The following COL5A2 variants were observed in gnomAD, a reference collection of about 807,000 sequenced individuals.
The protein encoded by COL5A2 is collagen alpha-2(V) chain.
COL5A2 carries 23 observed loss-of-function variants against 208.2 expected under a neutral mutation model. The observed-to-expected ratio is 0.11, with a 90% CI of 0.08 to 0.16. COL5A2 has a LOEUF of 0.16. Among genes scored for constraint, COL5A2 ranks in the 10% least tolerant of loss-of-function variants. The pLI is 1.00. For missense variants in COL5A2, 1,590 were observed against 1,956.4 expected (o/e 0.81, Z 3.53); for synonymous variants, 625 against 628.5 (o/e 0.99, Z 0.08).
chr2:189,140,247 C>T lies in COL5A2; in HGVS notation c.98-29798G>A, dbSNP rs141964482. 6.4e-3 allele frequency among the ~76,000 whole-genome samples: 968 copies of T among 152,084 alleles called. 15 individuals carry two copies. Among genetic ancestry groups the T allele is most frequent in the African/African-American group, 0.02 (848 of 41,488 alleles). On this transcript the variant is annotated intron_variant, in intron 1 of 53. Transcript: ENST00000374866. ...CTTTAACATATGTACATACATGATA[C>T]GATACCATATAGGGCAGAAAATAAA...
chr2:189,068,899 AG>A lies in COL5A2; in HGVS notation c.1159-16del. 2 of 1,550,082 alleles carry A rather than the reference AG, an allele frequency of 1.3e-6. No homozygotes were observed. Among genetic ancestry groups the A allele is most frequent in the Non-Finnish European group, 1.8e-6 (2 of 1,122,428 alleles). On this transcript the variant is annotated splice_polypyrimidine_tract_variant and intron_variant, in intron 18 of 53. Transcript: ENST00000374866. Reference sequence around the variant, plus strand: ...CCTGCTTCTCCCTAAAAGGGTGCAAAGGGAAATGTTAATTTAAGAAAAATAC... The same window carrying A: ...CCTGCTTCTCCCTAAAAGGGTGCAAAGGAAATGTTAATTTAAGAAAAATAC...
chr2:189,222,025 C>CA (rs565329432), intron 1 of COL5A2, among the ~76,000 whole-genome samples: 211 of 144,876 alleles, frequency 1.5e-3, no homozygotes, highest in Middle Eastern at 3.6e-3. Context: ...CCTGAGGCCT[C>CA]AAAAAAAAAA....
At chr2:189,326,724 G>T in the COL5A2 span, among the ~76,000 whole-genome samples, 1 of 149,646 alleles carries the variant, frequency 6.7e-6, no homozygotes, top group African/African-American at 2.5e-5. Context: ...GGTGGGGAGT[G>T]GGGGGAGTTC....
intron 16 of COL5A2, among the ~76,000 whole-genome samples, chr2:189,076,689 A>C (rs562236548): frequency 2.0e-4 from 31 of 152,292 alleles, no homozygotes; most frequent in African/African-American, 7.2e-4. Context: ...GGATGGCTGA[A>C]TTCTCAAACC....
chr2:189,361,025 T>G, the COL5A2 span, among the ~76,000 whole-genome samples: 1 of 152,016 alleles, frequency 6.6e-6, no homozygotes, highest in Non-Finnish European at 1.5e-5. Flanking sequence ...CCGTGTGGTC[T>G]GTCTATCCTA....
rs114419631 is a variant in COL5A2, at chr2:189,125,360, G to T, written c.98-14911C>A. On this transcript the variant is annotated intron_variant, in intron 1 of 53. Coordinates refer to ENST00000374866, the MANE Select transcript of COL5A2 (RefSeq NM_000393.5). ...TTCCCTGGGAATTAGGAATTCTAAG[G>T]CATAGACAAAATTATTCTGCATATC... is the stretch of plus-strand genomic sequence containing the variant. Among the ~76,000 whole-genome samples, 264 of 152,160 alleles carry T rather than the reference G, an allele frequency of 1.7e-3. 3 individuals are homozygous for T. The highest frequency in any genetic ancestry group is 6.3e-3 in the African/African-American group (260 of 41,538).
the COL5A2 span, among the ~76,000 whole-genome samples, chr2:189,349,052 T>TC: frequency 3.3e-5 from 5 of 152,114 alleles, no homozygotes; most frequent in African/African-American, 1.2e-4. Flanking sequence ...TAACATAATC[T>TC]CCCAACATTC....
At chr2:189,165,858 G>A (rs1430823880) in intron 1 of COL5A2, among the ~76,000 whole-genome samples, 3 of 152,192 alleles carry the variant, frequency 2.0e-5, no homozygotes, top group Non-Finnish European at 4.4e-5. Flanking sequence ...TCATTGCTGA[G>A]TCAGTGTCCT....
At chr2:189,183,917 C>A (rs2105837406), upstream of COL5A2, among the ~76,000 whole-genome samples, 1 of 152,240 alleles carries the variant, frequency 6.6e-6, no homozygotes, top group Admixed American at 6.5e-5. Flanking sequence ...AGGCTCTGAC[C>A]TTTGCCTGAA....
At chr2:189,398,314 C>T in the COL5A2 span, among the ~76,000 whole-genome samples, 1 of 152,090 alleles carries the variant, frequency 6.6e-6, no homozygotes, top group African/African-American at 2.4e-5. Context: ...TTTGCTATTG[C>T]TCAAATCTTC....
At chr2:189,245,546 G>A in the COL5A2 span, among the ~76,000 whole-genome samples, 10 of 149,318 alleles carry the variant, frequency 6.7e-5, no homozygotes, top group East Asian at 2.0e-4. Context: ...GTGCAGTGGC[G>A]CGATCTCGGC....
the COL5A2 span, among the ~76,000 whole-genome samples, chr2:189,298,110 T>C: frequency 6.6e-6 from 1 of 152,148 alleles, no homozygotes; most frequent in Non-Finnish European, 1.5e-5. Context: ...TATGTATGTA[T>C]TATTATCTCC....
intron 1 of COL5A2, among the ~76,000 whole-genome samples, chr2:189,174,245 T>A (rs1021072219): frequency 5.3e-5 from 8 of 152,090 alleles, no homozygotes; most frequent in African/African-American, 1.9e-4. Flanking sequence ...GCTCAAAGTG[T>A]GAAGAGCAGA....
At chr2:189,243,746 T>C in the COL5A2 span, among the ~76,000 whole-genome samples, 1 of 152,058 alleles carries the variant, frequency 6.6e-6, no homozygotes, top group Admixed American at 6.6e-5. Flanking sequence ...AAGTCCACAG[T>C]CGAAAGTCTT....
chr2:189,147,872 G>A (rs1448421359), intron 1 of COL5A2, among the ~76,000 whole-genome samples: 1 of 152,114 alleles, frequency 6.6e-6, no homozygotes, highest in Admixed American at 6.5e-5. Flanking sequence ...AGGAAGAGAA[G>A]CTTTATCTCC....
At chr2:189,145,895 C>T (rs1052588976) in intron 1 of COL5A2, among the ~76,000 whole-genome samples, 3 of 152,068 alleles carry the variant, frequency 2.0e-5, no homozygotes, top group Non-Finnish European at 4.4e-5. Context: ...TTTCCAAAAA[C>T]TTGACATGAG....
the COL5A2 span, among the ~76,000 whole-genome samples, chr2:189,350,675 C>A: frequency 9.0e-4 from 137 of 152,208 alleles, 2 homozygotes; most frequent in East Asian, 0.025. Flanking sequence ...TTCAGCCGGG[C>A]CAAGAGAATG....
At chr2:189,080,074 T>C in intron 13 of COL5A2, 43 bp from the exon 14 acceptor site, 1 of 1,523,596 alleles carries the variant, frequency 6.6e-7, no homozygotes. Context: ...CCTGTTTTTT[T>C]CAATCCTCAA....
chr2:189,208,533 G>A (rs1689170479), intron 1 of COL5A2, among the ~76,000 whole-genome samples: 1 of 152,190 alleles, frequency 6.6e-6, no homozygotes, highest in South Asian at 2.1e-4. Context: ...AAGAACTGCA[G>A]AGCAAAGGTC....
Sources: gnomAD v4.1 joint callset for allele counts (sites outside exome capture counted in the v4.1 genomes callset) on GRCh38, gnomAD v4.1.1 for gene constraint, MANE v1.5 for transcripts, NCBI Gene and HGNC (gene_info 2026-07-23, HGNC 2026-07-21) for gene names.